Variants in CACNG3 observed in about 807,000 individuals in gnomAD.
CACNG3 encodes the protein calcium voltage-gated channel auxiliary subunit gamma 3, also known as voltage-dependent calcium channel gamma-3 subunit.
A neutral mutation model predicts 28.5 loss-of-function variants in CACNG3; 3 were observed. The ratio of observed to expected loss-of-function variants is 0.11; its 90% confidence interval spans 0.05 to 0.27. CACNG3 has a LOEUF of 0.27. CACNG3 is among the 10% of genes least tolerant of loss of function. The pLI, the probability that CACNG3 is intolerant of heterozygous loss-of-function variation, is 1.00. For synonymous variants in CACNG3, 174 were observed against 162.2 expected (o/e 1.07, Z -0.55); for missense variants, 236 against 414.4 (o/e 0.57, Z 3.74).
At chr16:24,298,627 T>A (rs772690881) in intron 1 of CACNG3, among the ~76,000 whole-genome samples, 1 of 152,238 alleles carries the variant, frequency 6.6e-6, no homozygotes, top group Non-Finnish European at 1.5e-5. Flanking sequence ...TTCCAACTAA[T>A]GGACCAGCAT....
At chr16:24,305,680 C>T (rs1168258752) in intron 1 of CACNG3, among the ~76,000 whole-genome samples, 1 of 152,016 alleles carries the variant, frequency 6.6e-6, no homozygotes, top group Admixed American at 6.6e-5. Flanking sequence ...AGCATTAGGA[C>T]AAACACCTAA....
intron 1 of CACNG3, among the ~76,000 whole-genome samples, chr16:24,295,052 T>C (rs1377079114): frequency 1.3e-5 from 2 of 152,144 alleles, no homozygotes; most frequent in African/African-American, 4.8e-5. Flanking sequence ...CAGTGTGTGC[T>C]TTTAAAGGAT....
At chr16:24,317,541 A>G (rs1454726581) in intron 1 of CACNG3, among the ~76,000 whole-genome samples, 57 of 140,780 alleles carry the variant, frequency 4.0e-4, no homozygotes, top group Non-Finnish European at 7.4e-4. Context: ...TTCTGTCTCA[A>G]AAAAAAAAAA....
At chr16:24,349,937 A>G (rs559258665) in intron 2 of CACNG3, among the ~76,000 whole-genome samples, 5 of 152,350 alleles carry the variant, frequency 3.3e-5, no homozygotes, top group African/African-American at 7.2e-5. Context: ...ACGACACAGC[A>G]CTGGACTTAG....
intron 1 of CACNG3, among the ~76,000 whole-genome samples, chr16:24,338,405 A>C (rs1899739209): frequency 6.6e-6 from 1 of 152,036 alleles, no homozygotes; most frequent in African/African-American, 2.4e-5. Flanking sequence ...GTGCAGTGGC[A>C]AGATCTCGGC....
intron 1 of CACNG3, among the ~76,000 whole-genome samples, chr16:24,337,957 T>C (rs1899733647): frequency 6.7e-6 from 1 of 150,268 alleles, no homozygotes; most frequent in Non-Finnish European, 1.5e-5. Flanking sequence ...GGGCAGCTGA[T>C]GGACCCAGTG....
chr16:24,354,128 G>A (rs1899996074), intron 2 of CACNG3, among the ~76,000 whole-genome samples: 1 of 152,126 alleles, frequency 6.6e-6, no homozygotes, highest in African/African-American at 2.4e-5. Context: ...GGAAGGTGAG[G>A]CTACAGTGAG....
chr16:24,268,779 A>G (rs752665166), intron 1 of CACNG3, among the ~76,000 whole-genome samples: 4 of 152,180 alleles, frequency 2.6e-5, no homozygotes, highest in Admixed American at 6.5e-5. Context: ...GTGTTCGCCA[A>G]TGGGGGGATG....
At chr16:24,308,366 A>G (rs1035838132) in intron 1 of CACNG3, among the ~76,000 whole-genome samples, 9 of 152,226 alleles carry the variant, frequency 5.9e-5, no homozygotes, top group African/African-American at 2.2e-4. Context: ...TAGTGCCTGC[A>G]GCAATCTGAG....
intron 1 of CACNG3, among the ~76,000 whole-genome samples, chr16:24,337,153 A>G (rs1244595977): frequency 1.3e-5 from 2 of 152,140 alleles, no homozygotes; most frequent in Non-Finnish European, 2.9e-5. Context: ...AGAGGACGTG[A>G]GCATTCAGTC....
intron 1 of CACNG3, among the ~76,000 whole-genome samples, chr16:24,323,240 AG>A (rs60482889): frequency 0.25 from 31,219 of 127,048 alleles, 4,405 homozygotes; most frequent in South Asian, 0.34. Context: ...AAAAAAAAAA[AG>A]AGAGAGAGAG....
chr16:24,280,821 CA>C (rs71154295), intron 1 of CACNG3, among the ~76,000 whole-genome samples: 12,837 of 54,830 alleles, frequency 0.23, 476 homozygotes, highest in East Asian at 0.39. Flanking sequence ...GAGTTTGTCT[CA>C]AAAAAAAAAA....
chr16:24,267,007 C>T (rs1412425861), intron 1 of CACNG3, among the ~76,000 whole-genome samples: 2 of 149,376 alleles, frequency 1.3e-5, no homozygotes, highest in East Asian at 3.9e-4. Context: ...CGCTCTATCG[C>T]CCAGGCTGGA....
At chr16:24,257,396 AG>A (rs1567427583) in intron 1 of CACNG3, among the ~76,000 whole-genome samples, 12 of 143,170 alleles carry the variant, frequency 8.4e-5, no homozygotes, top group Non-Finnish European at 1.9e-4. Context: ...AGAGAGAGAG[AG>A]AGAGAGAGAG....
intron 3 of CACNG3, among the ~76,000 whole-genome samples, chr16:24,355,534 G>C (rs1415118507): frequency 2.6e-5 from 4 of 152,152 alleles, no homozygotes; most frequent in African/African-American, 9.7e-5. Context: ...AGTGAGCCAA[G>C]ATCTTGCCAC....
At chr16:24,257,911 C>T (rs538569029) in intron 1 of CACNG3, among the ~76,000 whole-genome samples, 2 of 152,252 alleles carry the variant, frequency 1.3e-5, no homozygotes, top group Admixed American at 6.5e-5. Context: ...CACCAGTAGG[C>T]AATGCTTGGA....
At chr16:24,335,237 T>C (rs1899686635) in intron 1 of CACNG3, among the ~76,000 whole-genome samples, 1 of 152,010 alleles carries the variant, frequency 6.6e-6, no homozygotes, top group African/African-American at 2.4e-5. Flanking sequence ...CTGGCCAACA[T>C]GGTGAAACGC....
intron 1 of CACNG3, 120 bp from the exon 2 acceptor site, chr16:24,346,614 C>T (rs1468878565): frequency 1.5e-6 from 1 of 680,856 alleles, no homozygotes; most frequent in African/African-American, 1.8e-5. Flanking sequence ...CCTACCAGCC[C>T]AACAACCCTA....
In CACNG3 at chr16:24,315,847, T is replaced by A. The variant is rs182377137; in HGVS notation, c.212-30887T>A. ...CTAATTTTTGTGTTTTTAGTAGAGATGGGATATCTCCAGGTTGGCCTGACT... is the reference window on the plus strand; with the variant it reads ...CTAATTTTTGTGTTTTTAGTAGAGAAGGGATATCTCCAGGTTGGCCTGACT... On this transcript the variant is annotated intron_variant, in intron 1 of 3. Coordinates refer to ENST00000005284, the MANE Select transcript of CACNG3 (RefSeq NM_006539.4). Among the ~76,000 whole-genome samples the A allele has an allele frequency of 5.1e-4, 78 of 152,196 alleles. 1 individual carries two copies. Among genetic ancestry groups the A allele is most frequent in the African/African-American group, 1.8e-3 (75 of 41,550 alleles).
Sources: gnomAD v4.1 joint callset for allele counts (sites outside exome capture counted in the v4.1 genomes callset) on GRCh38, gnomAD v4.1.1 for gene constraint, MANE v1.5 for transcripts, NCBI Gene and HGNC (gene_info 2026-07-23, HGNC 2026-07-21) for gene names.